Variants in CPNE7 observed in about 807,000 individuals in gnomAD.
CPNE7 encodes the protein copine-7.
Under a neutral mutation model 66.5 loss-of-function variants are expected in CPNE7, and 78 were observed. That is an observed-to-expected ratio of 1.17 (90% confidence interval 0.98 to 1.42). CPNE7 has a LOEUF of 1.42. Ranked by LOEUF, CPNE7 falls within the 40% of genes most tolerant of loss-of-function variation. The pLI is 0.00. For synonymous variants in CPNE7, 468 were observed against 336.7 expected (o/e 1.39, Z -4.27); for missense variants, 1,012 against 776.6 (o/e 1.30, Z -3.60).
At chr16:89,586,034 G>A (rs1428101601) in intron 7 of CPNE7, among the ~76,000 whole-genome samples, 1 of 123,174 alleles carries the variant, frequency 8.1e-6, no homozygotes, top group Admixed American at 8.3e-5. Context: ...TTAGCAGGGG[G>A]AGGGGGCATT....
rs2058852235 is a variant in CPNE7, at chr16:89,575,882, C to G, written c.-16C>G. On this transcript the variant is annotated 5_prime_UTR_variant, in exon 1 of 15. Transcript: ENST00000319518. ...GCCCCTCAGTGCGCCCAGCCGGGCCCCCGAACGCCGGGAGCATGAGCGCGG... is the reference window on the plus strand; with the variant it reads ...GCCCCTCAGTGCGCCCAGCCGGGCCGCCGAACGCCGGGAGCATGAGCGCGG... 1.2e-5 allele frequency: 14 copies of G among 1,207,988 alleles called. No individual in the cohort carries two copies. Among genetic ancestry groups the G allele is most frequent in the Non-Finnish European group, 1.4e-5 (14 of 972,404 alleles). 74.8% of individuals were successfully genotyped at this position (1,207,988 alleles called of 1,614,324 possible).
chr16:89,596,320 G>A (rs1021673959), intron 14 of CPNE7, among the ~76,000 whole-genome samples, 164 bp from the exon 15 acceptor site: 9 of 152,336 alleles, frequency 5.9e-5, no homozygotes, highest in Non-Finnish European at 1.0e-4. Flanking sequence ...TCATGTGGCC[G>A]ACATCCTCAG....
chr16:89,596,968 T>G lies in CPNE7; in HGVS notation c.*347T>G. On this transcript the variant is annotated 3_prime_UTR_variant, in exon 15 of 15. Transcript: ENST00000319518. ...GGGGGCTCTGCTTTGCGTCTAACCTTTGTGGGGGAGGGCCAGCAAGGCAGT... is the reference window on the plus strand; with the variant it reads ...GGGGGCTCTGCTTTGCGTCTAACCTGTGTGGGGGAGGGCCAGCAAGGCAGT... 1 of 193,154 alleles carries G rather than the reference T, an allele frequency of 5.2e-6. No individual in the cohort carries two copies. Among genetic ancestry groups the G allele is most frequent in the Non-Finnish European group, 1.0e-5 (1 of 95,998 alleles). 12.0% of individuals were successfully genotyped at this position (193,154 alleles called of 1,614,324 possible).
At chr16:89,585,629 G>C in intron 6 of CPNE7, 58 bp from the exon 7 acceptor site, 1 of 1,548,806 alleles carries the variant, frequency 6.5e-7, no homozygotes, top group Non-Finnish European at 8.8e-7. Flanking sequence ...ACCTGGGCTC[G>C]GGTGGGAGGG....
intron 1 of CPNE7, 43 bp downstream of exon 1, chr16:89,576,114 G>A (rs1262516173): frequency 2.4e-6 from 3 of 1,237,184 alleles, no homozygotes; most frequent in Non-Finnish European, 3.0e-6. Context: ...CCGGGCCGGG[G>A]CTGGCGCCGA....
In CPNE7 at chr16:89,588,719, C is replaced by T; in HGVS notation, c.972C>T (p.Ser324=). 1 of 1,613,586 alleles carries T rather than the reference C, an allele frequency of 6.2e-7. No individual in the cohort carries two copies. The highest frequency in any genetic ancestry group is 8.5e-7 in the Non-Finnish European group (1 of 1,179,974). Residue 324 remains serine (S), a synonymous_variant, in exon 10 of 15, where the codon AGC becomes AGT. Transcript: ENST00000319518. ...FTASNGDPRN[S]CSLHYINPYQ... ...CCTCCAATGGAGACCCGCGGAACAG[C>T]TGCTCCCTGCACTACATCAACCCCT...
chr16:89,590,877 C>CT (rs2059156522), intron 11 of CPNE7, 130 bp from the exon 12 acceptor site: 3 of 820,602 alleles, frequency 3.7e-6, no homozygotes, highest in Non-Finnish European at 5.3e-6. Flanking sequence ...GACATGAGGG[C>CT]GGGGACGGGG....
chr16:89,588,327 T>TG (rs1567962065), intron 9 of CPNE7, among the ~76,000 whole-genome samples: 1 of 152,120 alleles, frequency 6.6e-6, no homozygotes, highest in Non-Finnish European at 1.5e-5. Context: ...GTGGGAAACG[T>TG]GGGGGGACCC....
chr16:89,582,968 G>A (rs1313174059), intron 2 of CPNE7, among the ~76,000 whole-genome samples: 2 of 152,226 alleles, frequency 1.3e-5, no homozygotes, highest in Non-Finnish European at 2.9e-5. Flanking sequence ...GTGTGCCCCC[G>A]TCCTGCTCCT....
At chr16:89,586,395 G>A (rs567167515) in intron 7 of CPNE7, among the ~76,000 whole-genome samples, 2 of 150,020 alleles carry the variant, frequency 1.3e-5, no homozygotes, top group Admixed American at 6.6e-5. Flanking sequence ...GCAGTGGGGA[G>A]GCCACCCTGG....
intron 3 of CPNE7, 106 bp downstream of exon 3, chr16:89,583,877 C>A: frequency 1.4e-6 from 2 of 1,449,030 alleles, no homozygotes; most frequent in Non-Finnish European, 1.9e-6. Context: ...GGAGGGTCTG[C>A]AGGAGCCGGC....
At position 89,578,795 on chromosome 16, in the gene CPNE7, C is replaced by T. The variant is rs935548261; in HGVS notation, c.357+1074C>T. 10 of 1,489,338 alleles carry T rather than the reference C, an allele frequency of 6.7e-6. No homozygotes were observed. In the African/African-American group the frequency reaches 7.2e-5, roughly 11 times the overall value. 92.3% of individuals were successfully genotyped at this position (1,489,338 alleles called of 1,614,324 possible). On this transcript the variant is annotated intron_variant, in intron 2 of 14. Transcript: ENST00000319518. ...AAAAAAAAAGAAGCCTCCTTGTGAGCAGCAGGTCCTACGGTGGCCACTGCT... is the reference window on the plus strand; with the variant it reads ...AAAAAAAAAGAAGCCTCCTTGTGAGTAGCAGGTCCTACGGTGGCCACTGCT...
In CPNE7 at chr16:89,575,810, G is replaced by A. The variant is rs937127037; in HGVS notation, c.-88G>A. On this transcript the variant is annotated 5_prime_UTR_variant, in exon 1 of 15. Coordinates refer to ENST00000319518, the MANE Select transcript of CPNE7 (RefSeq NM_153636.3). Reference sequence around the variant, plus strand: ...AGGGAAGCGCGGCCACGCCTGGGCCGGCCACCATTTCCCGGGCGCCGCGGC... The same window carrying A: ...AGGGAAGCGCGGCCACGCCTGGGCCAGCCACCATTTCCCGGGCGCCGCGGC... 5 of 990,812 alleles carry A rather than the reference G, an allele frequency of 5.0e-6. No individual in the cohort carries two copies. Among genetic ancestry groups the A allele is most frequent in the African/African-American group, 1.7e-5 (1 of 57,418 alleles). The allele number at this position is 990,812 out of a possible 1,614,324, so 61.4% of individuals were successfully genotyped here.
chr16:89,587,011 C>A, intron 8 of CPNE7, 32 bp from the exon 9 acceptor site: 1 of 1,564,100 alleles, frequency 6.4e-7, no homozygotes, highest in Non-Finnish European at 8.7e-7. Flanking sequence ...GTGTCCCTGG[C>A]GGGGGTGGAC....
chr16:89,578,963 A>C, intron 2 of CPNE7: 1 of 1,610,906 alleles, frequency 6.2e-7, no homozygotes, highest in Non-Finnish European at 8.5e-7. Context: ...GAATCCTCAC[A>C]CCTTGCCAGG....
intron 2 of CPNE7, among the ~76,000 whole-genome samples, chr16:89,579,320 CATCA>C (rs1408188280): frequency 6.6e-6 from 1 of 152,010 alleles, no homozygotes; most frequent in Non-Finnish European, 1.5e-5. Context: ...CGATAAAATG[CATCA>C]ATCTTAAGGG....
At position 89,584,943 on chromosome 16, in the gene CPNE7, A is replaced by ATGT; in HGVS notation, c.591+86_591+87insTGT. The ATGT allele has an allele frequency of 3.4e-6, 4 of 1,184,520 alleles. No homozygotes were observed. The highest frequency in any genetic ancestry group is 3.7e-6 in the Non-Finnish European group (3 of 808,224). 73.4% of individuals were successfully genotyped at this position (1,184,520 alleles called of 1,614,324 possible). A position where few individuals can be genotyped will look rare whatever the true frequency, so the allele number is the denominator to read the frequency against. ...CTCTGGCCACATGGGAGGAGCTCCC[A>ATGT]GCCTCCAACAGGGAGCTGTGGGCGC... On this transcript the variant is annotated intron_variant, in intron 5 of 14. Transcript: ENST00000319518. This position sits in a 1 kb window ranked among gnomAD's most constrained non-coding sequence, Gnocchi z 6.0.
Position 89,586,663 on chromosome 16 carries a change from G to T in CPNE7, c.781-7G>T. 6.2e-7 allele frequency: 1 copy of T among 1,611,952 alleles called. No homozygotes were observed. Among genetic ancestry groups the T allele is most frequent in the Non-Finnish European group, 8.5e-7 (1 of 1,178,752 alleles). On this transcript the variant is annotated splice_region_variant and splice_polypyrimidine_tract_variant and intron_variant, in intron 7 of 14. Transcript: ENST00000319518. ...CTCTGGGGGGCCTCTGCTTGTTCCTGCCCCAGGCCCAGTGGGACTGTGTGA... is the reference window on the plus strand; with the variant it reads ...CTCTGGGGGGCCTCTGCTTGTTCCTTCCCCAGGCCCAGTGGGACTGTGTGA...
At chr16:89,576,453 G>C (rs1300951640) in intron 1 of CPNE7, among the ~76,000 whole-genome samples, 5 of 152,004 alleles carry the variant, frequency 3.3e-5, no homozygotes, top group East Asian at 2.0e-4. Context: ...CCGGCCGACG[G>C]GGGGCGGGAG....
Sources: gnomAD v4.1 joint callset for allele counts (sites outside exome capture counted in the v4.1 genomes callset) on GRCh38, gnomAD v4.1.1 for gene constraint, Gnocchi (gnomAD v3.1) non-coding constraint, MANE v1.5 for transcripts, NCBI Gene and HGNC (gene_info 2026-07-23, HGNC 2026-07-21) for gene names.